The following GPAT3 variants were observed in gnomAD, a reference collection of about 807,000 sequenced individuals.
The protein encoded by GPAT3 is 1-AGP acyltransferase 9.
Under a neutral mutation model 58.8 loss-of-function variants are expected in GPAT3, and 53 were observed. That is an observed-to-expected ratio of 0.90 (90% CI 0.72 to 1.13). GPAT3 has a LOEUF of 1.13. GPAT3 is among the 50% of genes most tolerant of loss of function. The probability of loss-of-function intolerance (pLI) is 0.00; values close to 1 mark genes in which losing one functional copy is unlikely to be tolerated. For synonymous variants in GPAT3, 197 were observed against 187.4 expected (o/e 1.05, Z -0.42); for missense variants, 511 against 527.6 (o/e 0.97, Z 0.31).
Position 83,598,600 on chromosome 4 carries a change from C to T in GPAT3, c.1126-44C>T, listed in dbSNP as rs750591477. On this transcript the variant is annotated intron_variant, in intron 10 of 11. Transcript: ENST00000264409. ...TGATTATGAGATGGTATTAAAAACT[C>T]GATAACTAAGATATTCTTGCAATTT... 49 of 1,484,092 alleles carry T rather than the reference C, an allele frequency of 3.3e-5. No individual in the cohort carries two copies. In the Admixed American group the frequency reaches 3.5e-4, roughly 11 times the overall value. The allele number at this position is 1,484,092 out of a possible 1,614,324, so 91.9% of individuals were successfully genotyped here.
intron 9 of GPAT3, among the ~76,000 whole-genome samples, 170 bp from the exon 10 acceptor site, chr4:83,597,881 A>G (rs1239879896): frequency 2.6e-5 from 4 of 152,088 alleles, no homozygotes; most frequent in Non-Finnish European, 5.9e-5. Context: ...CTCTAGTCAG[A>G]TGTATTAGCT....
At chr4:83,578,952 C>CTTTG (rs373124115) in intron 2 of GPAT3, among the ~76,000 whole-genome samples, 1 of 46,258 alleles carries the variant, frequency 2.2e-5, no homozygotes, top group Non-Finnish European at 4.1e-5. Flanking sequence ...CTTTTCTTTT[C>CTTTG]TTTCTTTCTT....
chr4:83,580,286 A>T (rs1051132522), intron 2 of GPAT3, among the ~76,000 whole-genome samples: 2 of 152,186 alleles, frequency 1.3e-5, no homozygotes, highest in African/African-American at 4.8e-5. Context: ...ATAGCTACTT[A>T]ATGTTTTCAT....
intron 2 of GPAT3, among the ~76,000 whole-genome samples, chr4:83,549,727 T>G (rs983437477): frequency 1.4e-5 from 2 of 146,452 alleles, no homozygotes; most frequent in African/African-American, 5.0e-5. Context: ...ATTATTATTA[T>G]TGTTATTATT....
At chr4:83,584,229 A>G (rs1032936736) in intron 3 of GPAT3, among the ~76,000 whole-genome samples, 13 of 152,232 alleles carry the variant, frequency 8.5e-5, no homozygotes, top group African/African-American at 2.2e-4. Context: ...CAAAGAAACT[A>G]TGATTTAAGA....
intron 1 of GPAT3, among the ~76,000 whole-genome samples, chr4:83,541,978 GCTT>G (rs1241157731): frequency 6.6e-6 from 1 of 152,134 alleles, no homozygotes. Context: ...CACCCTAAGG[GCTT>G]CTTTTTAACT....
chr4:83,556,500 GA>G (rs1292753675), intron 2 of GPAT3, among the ~76,000 whole-genome samples: 53 of 127,746 alleles, frequency 4.1e-4, no homozygotes, highest in South Asian at 7.2e-4. Context: ...TCAGTCTCAA[GA>G]AAAAAAAAAA....
rs370187146 is a variant in GPAT3, at chr4:83,588,193, G to A, written c.555-17G>A. On this transcript the variant is annotated splice_polypyrimidine_tract_variant and intron_variant, in intron 4 of 11. Coordinates refer to ENST00000264409, the MANE Select transcript of GPAT3 (RefSeq NM_032717.5). ...AGTGCCCAGAATGGCACAATAAAAT[G>A]TTTCTATTTCCTTCAGCCTCAAAAA... The A allele has an allele frequency of 1.9e-5, 31 of 1,612,316 alleles. No individual in the cohort carries two copies. Among genetic ancestry groups the A allele is most frequent in the Non-Finnish European group, 2.4e-5 (28 of 1,178,562 alleles).
At chr4:83,590,349 T>C (rs1258398548) in intron 6 of GPAT3, 57 bp downstream of exon 6, 6 of 1,551,678 alleles carry the variant, frequency 3.9e-6, no homozygotes, top group Non-Finnish European at 5.3e-6. Flanking sequence ...TTGATCAAAC[T>C]TTTTATTTTG....
At chr4:83,583,666 T>TGAA (rs200060455) in intron 3 of GPAT3, among the ~76,000 whole-genome samples, 318 of 28,550 alleles carry the variant, frequency 0.011, 25 homozygotes, top group East Asian at 0.023. Context: ...GACTCTTGTC[T>TGAA]GAAAAAAAAA....
chr4:83,573,863 C>T (rs753615015), intron 2 of GPAT3, among the ~76,000 whole-genome samples: 11 of 152,102 alleles, frequency 7.2e-5, no homozygotes, highest in Non-Finnish European at 1.3e-4. Context: ...TGCTTGTATA[C>T]CTCTCATCTA....
chr4:83,563,719 G>A (rs1158403169), intron 2 of GPAT3, among the ~76,000 whole-genome samples: 1 of 151,906 alleles, frequency 6.6e-6, no homozygotes, highest in Non-Finnish European at 1.5e-5. Flanking sequence ...GACTTCAGGT[G>A]ACCCACCCGC....
chr4:83,595,649 G>A (rs995893558), intron 7 of GPAT3, among the ~76,000 whole-genome samples: 17 of 152,080 alleles, frequency 1.1e-4, no homozygotes, highest in African/African-American at 3.9e-4. Context: ...ATGAGGTTGA[G>A]GCTGCAGTGA....
chr4:83,581,678 G>A lies in GPAT3; in HGVS notation c.325G>A (p.Glu109Lys), dbSNP rs147061563. The A allele has an allele frequency of 8.8e-4, 1,425 of 1,614,208 alleles. 1 individual carries two copies. Among genetic ancestry groups the A allele is most frequent in the Non-Finnish European group, 1.2e-3 (1,366 of 1,180,036 alleles). Reference sequence around the variant, plus strand: ...CAAGAAGGGATTGGAAGCCATTGTAGAAGATGAAGTGACCCAGAGGTTTTC... The same window carrying A: ...CAAGAAGGGATTGGAAGCCATTGTAAAAGATGAAGTGACCCAGAGGTTTTC... ...FSKKGLEAIVEDEVTQRFSSE... is the reference protein window; with the variant it reads ...FSKKGLEAIVKDEVTQRFSSE... Residue 109 changes from glutamate to lysine, a missense_variant, in exon 3 of 12, where the codon GAA (glutamate) becomes AAA (lysine). Transcript: ENST00000264409.
chr4:83,567,671 G>A (rs1725451724), intron 2 of GPAT3, among the ~76,000 whole-genome samples: 2 of 152,096 alleles, frequency 1.3e-5, no homozygotes, highest in African/African-American at 4.8e-5. Context: ...GGTGGCTTAT[G>A]CCTGTAATCC....
At chr4:83,562,225 A>ATAATATATATATATTAT (rs1185063026) in intron 2 of GPAT3, among the ~76,000 whole-genome samples, 3 of 61,400 alleles carry the variant, frequency 4.9e-5, no homozygotes, top group African/African-American at 2.3e-4. Context: ...ATATATATAT[A>ATAATATATATATATTAT]ATATATATAT....
At position 83,594,960 on chromosome 4, in the gene GPAT3, G is replaced by C. The variant is rs757413952; in HGVS notation, c.854G>C (p.Arg285Thr). 1 of 1,612,466 alleles carries C rather than the reference G, an allele frequency of 6.2e-7. No homozygotes were observed. The highest frequency in any genetic ancestry group is 8.5e-7 in the Non-Finnish European group (1 of 1,178,742). Residue 285 changes from arginine to threonine, a missense_variant and splice_region_variant, in exon 7 of 12, where the codon AGA (arginine) becomes ACA (threonine). Physicochemically the swap from Arg to Thr is moderately conservative, Grantham distance 71 (BLOSUM62 -1). Coordinates refer to ENST00000264409, the MANE Select transcript of GPAT3 (RefSeq NM_032717.5). ...AAGGATCGACACCTGGTTACTAAGA[G>C]GTAAGCAGTGAAATTACTCAGCATT... ...EMKDRHLVTK[R>T]LKEHIADKKK...
chr4:83,577,581 T>G (rs902062790), intron 2 of GPAT3, among the ~76,000 whole-genome samples: 3 of 152,164 alleles, frequency 2.0e-5, no homozygotes, highest in Non-Finnish European at 2.9e-5. Context: ...AATTAGTGAA[T>G]CTGGGTGAAG....
chr4:83,569,304 A>G (rs553234538), intron 2 of GPAT3, among the ~76,000 whole-genome samples: 1 of 152,336 alleles, frequency 6.6e-6, no homozygotes, highest in African/African-American at 2.4e-5. Flanking sequence ...TACTGGCTTC[A>G]TGGTCAATCT....
Sources: gnomAD v4.1 joint callset for allele counts (sites outside exome capture counted in the v4.1 genomes callset) on GRCh38, gnomAD v4.1.1 for gene constraint, MANE v1.5 for transcripts, NCBI Gene and HGNC (gene_info 2026-07-23, HGNC 2026-07-21) for gene names.